Variants in ACACB observed in about 807,000 individuals in gnomAD.
ACACB encodes the protein acetyl-CoA carboxylase 2.
Under a neutral mutation model 278.8 loss-of-function variants are expected in ACACB, and 209 were observed. That is an observed-to-expected ratio of 0.75 (90% CI 0.67 to 0.84). The LOEUF (loss-of-function observed/expected upper bound fraction) is 0.84. Ranked by LOEUF, ACACB falls within the 40% of genes least tolerant of loss-of-function variation. ACACB has a pLI of 0.00. For synonymous variants in ACACB, 1,174 were observed against 1,285.6 expected (o/e 0.91, Z 1.86); for missense variants, 2,850 against 3,269.0 (o/e 0.87, Z 3.13).
At chr12:109,239,177 G>C (rs1340338464) in intron 34 of ACACB, among the ~76,000 whole-genome samples, 1 of 152,184 alleles carries the variant, frequency 6.6e-6, no homozygotes, top group Non-Finnish European at 1.5e-5. Context: ...GCCTCCCAAA[G>C]TGCTGGGATT....
At chr12:109,261,880 CAAAAAAA>C (rs757106164) in intron 48 of ACACB, among the ~76,000 whole-genome samples, 29 of 86,088 alleles carry the variant, frequency 3.4e-4, no homozygotes, top group Non-Finnish European at 5.5e-4. Context: ...AAAAAAAAAA[CAAAAAAA>C]AAAAAAAAGA....
At chr12:109,209,849 GTATA>G (rs1565924723) in intron 21 of ACACB, among the ~76,000 whole-genome samples, 1 of 137,406 alleles carries the variant, frequency 7.3e-6, no homozygotes, top group East Asian at 2.2e-4. Flanking sequence ...ACACACGTGT[GTATA>G]TATGTATATA....
At position 109,185,758 on chromosome 12, in the gene ACACB, C is replaced by G. The variant is rs745912338; in HGVS notation, c.1980+18C>G. The G allele has an allele frequency of 1.9e-6, 3 of 1,598,508 alleles. No individual in the cohort carries two copies. The highest frequency in any genetic ancestry group is 2.6e-6 in the Non-Finnish European group (3 of 1,170,650). On this transcript the variant is annotated intron_variant, in intron 12 of 52. Coordinates refer to ENST00000338432, the MANE Select transcript of ACACB (RefSeq NM_001093.4). ...CAGACGAGGCAAGTTATGGGGGCCC[C>G]TGTGTTTCCACCATCTCAGATCTCC...
At chr12:109,120,523 G>A (rs2042519742) in intron 1 of ACACB, among the ~76,000 whole-genome samples, 1 of 152,148 alleles carries the variant, frequency 6.6e-6, no homozygotes, top group Admixed American at 6.5e-5. Context: ...TTGAGCAGGG[G>A]GCAAGGGGTG....
At chr12:109,189,756 A>G (rs1278001983) in intron 13 of ACACB, among the ~76,000 whole-genome samples, 1 of 152,004 alleles carries the variant, frequency 6.6e-6, no homozygotes, top group African/African-American at 2.4e-5. Flanking sequence ...CACCCCCAAA[A>G]TGGGGTCATC....
At chr12:109,172,048 C>T in intron 5 of ACACB, 134 bp downstream of exon 5, 1 of 827,762 alleles carries the variant, frequency 1.2e-6, no homozygotes, top group Admixed American at 2.5e-5. Flanking sequence ...GCTGATGTAA[C>T]ACAGAAAAGA....
chr12:109,230,857 A>G lies in ACACB; in HGVS notation c.4002-1812A>G, dbSNP rs527585670. Among the ~76,000 whole-genome samples the G allele has an allele frequency of 7.2e-5, 11 of 152,228 alleles. No individual in the cohort carries two copies. In the South Asian group the frequency reaches 1.9e-3, roughly 26 times the overall value. On this transcript the variant is annotated intron_variant, in intron 28 of 52. Coordinates refer to ENST00000338432, the MANE Select transcript of ACACB (RefSeq NM_001093.4). ...CAGGTTATTGGTTGTGATTTTCAGT[A>G]TGGGCACAGGGTCCTTTTTTGACCC...
Position 109,193,445 on chromosome 12 carries a change from T to G in ACACB, c.2400-203T>G, listed in dbSNP as rs572716937. Among the ~76,000 whole-genome samples the G allele has an allele frequency of 1.1e-4, 16 of 152,200 alleles. 1 individual carries two copies. Among genetic ancestry groups the G allele is most frequent in the Non-Finnish European group, 2.4e-4 (16 of 68,032 alleles). ...GTTGGCCAGGCTGGTCTCGAACTCT[T>G]GGCCTCAAGTGATGTGCCTGCCTCA... is the stretch of plus-strand genomic sequence containing the variant. On this transcript the variant is annotated intron_variant, in intron 15 of 52. Transcript: ENST00000338432.
Position 109,176,145 on chromosome 12 carries a change from G to T in ACACB, c.1327-8G>T. ...CTCTAAAGAGGTCTGTTTGTCCTTT[G>T]CACCCAGGCAGCAGAAAGAATTGGT... On this transcript the variant is annotated splice_polypyrimidine_tract_variant and splice_region_variant and intron_variant, in intron 8 of 52. Coordinates refer to ENST00000338432, the MANE Select transcript of ACACB (RefSeq NM_001093.4). The T allele has an allele frequency of 6.2e-7, 1 of 1,614,084 alleles. No homozygotes were observed. Among genetic ancestry groups the T allele is most frequent in the Non-Finnish European group, 8.5e-7 (1 of 1,179,964 alleles).
rs558073719 is a variant in ACACB, at chr12:109,138,407, A to G, written c.-9-990A>G. ...GTCTCCCGAGGCTTGTTGGGCTTCT[A>G]TGCTAGTTGTAAGCATACCCCACAC... On this transcript the variant is annotated intron_variant, in intron 1 of 52. Transcript: ENST00000338432. Among the ~76,000 whole-genome samples the G allele has an allele frequency of 2.5e-4, 38 of 152,266 alleles. 1 individual carries two copies. Among genetic ancestry groups the G allele is most frequent in the African/African-American group, 8.4e-4 (35 of 41,558 alleles).
intron 18 of ACACB, among the ~76,000 whole-genome samples, chr12:109,199,930 G>T (rs1199106558): frequency 6.6e-6 from 1 of 151,202 alleles, no homozygotes; most frequent in Non-Finnish European, 1.5e-5. Flanking sequence ...GGAGGATGGC[G>T]TGAAGGCAGG....
At chr12:109,208,645 C>T (rs981813853) in intron 20 of ACACB, among the ~76,000 whole-genome samples, 17 of 152,268 alleles carry the variant, frequency 1.1e-4, no homozygotes, top group African/African-American at 4.1e-4. Flanking sequence ...TGAGACACCC[C>T]GGAAACAGCA....
At chr12:109,240,029 C>T (rs765288677) in intron 35 of ACACB, 44 bp downstream of exon 35, 2 of 1,593,216 alleles carry the variant, frequency 1.3e-6, no homozygotes, top group East Asian at 4.5e-5. Flanking sequence ...CTGGGTTCAC[C>T]CTCTGAGCCA....
At chr12:109,210,790 T>G (rs1348061846) in intron 21 of ACACB, among the ~76,000 whole-genome samples, 1 of 151,410 alleles carries the variant, frequency 6.6e-6, no homozygotes, top group Non-Finnish European at 1.5e-5. Flanking sequence ...GTTGCACACC[T>G]GCAATCCCAA....
chr12:109,192,218 A>G lies in ACACB; in HGVS notation c.2399+268A>G, dbSNP rs534708568. ...ATCCATGCTGACTTGTGTAAGGTAC[A>G]TCATAATAGTCAGGAGTTCTGAGTT... On this transcript the variant is annotated intron_variant, in intron 15 of 52. Coordinates refer to ENST00000338432, the MANE Select transcript of ACACB (RefSeq NM_001093.4). 4.6e-5 allele frequency among the ~76,000 whole-genome samples: 7 copies of G among 152,300 alleles called. No individual in the cohort carries two copies. In the South Asian group the frequency reaches 1.5e-3, roughly 32 times the overall value.
chr12:109,235,594 T>G lies in ACACB; in HGVS notation c.4405-12T>G. 1 of 1,611,588 alleles carries G rather than the reference T, an allele frequency of 6.2e-7. No homozygotes were observed. Among genetic ancestry groups the G allele is most frequent in the Non-Finnish European group, 8.5e-7 (1 of 1,177,810 alleles). On this transcript the variant is annotated splice_polypyrimidine_tract_variant and intron_variant, in intron 32 of 52. Transcript: ENST00000338432. Reference sequence around the variant, plus strand: ...TGATTTAATTGTCTTGTGTGTGGATTTCTTTTTGCAGAAAGAATTTCCCAA... The same window carrying G: ...TGATTTAATTGTCTTGTGTGTGGATGTCTTTTTGCAGAAAGAATTTCCCAA...
chr12:109,232,824 G>T lies in ACACB; in HGVS notation c.4139+18G>T, dbSNP rs762339682. 2.5e-6 allele frequency: 4 copies of T among 1,613,526 alleles called. No individual in the cohort carries two copies. The South Asian group carries it at 4.4e-5, about 18-fold the overall frequency. ...TTCACCAGGTACCCAGCATGGCCCG[G>T]TCTCCAACACCCTGAGCATGGGGGC... On this transcript the variant is annotated intron_variant, in intron 29 of 52. Transcript: ENST00000338432.
At position 109,262,950 on chromosome 12, in the gene ACACB, T is replaced by TTATATATATATATATATATATA. The variant is rs58002068; in HGVS notation, c.6787+493_6787+514dup. 404 of 62,398 alleles carry TTATATATATATATATATATATA rather than the reference T, an allele frequency of 6.5e-3. 30 individuals carry two copies. The highest frequency in any genetic ancestry group is 0.01 in the Non-Finnish European group (262 of 25,620). The allele number at this position is 62,398 out of a possible 1,614,324, so 3.9% of individuals were successfully genotyped here. ...CATTTCTAAATCAACCTTTTTAACA[T>TTATATATATATATATATATATA]TATATATATATATATATATATATAT... On this transcript the variant is annotated intron_variant, in intron 49 of 52. Coordinates refer to ENST00000338432, the MANE Select transcript of ACACB (RefSeq NM_001093.4).
rs556046901 is a variant in ACACB at position 109,174,077 on chromosome 12, C to G, written c.1118-55C>G. 710 of 1,501,380 alleles carry G rather than the reference C, an allele frequency of 4.7e-4. 1 individual carries two copies. The highest frequency in any genetic ancestry group is 6.0e-4 in the Non-Finnish European group (666 of 1,102,164). The allele number at this position is 1,501,380 out of a possible 1,614,324, so 93.0% of individuals were successfully genotyped here. A position where few individuals can be genotyped will look rare whatever the true frequency, so the allele number is the denominator to read the frequency against. On this transcript the variant is annotated intron_variant, in intron 6 of 52. Transcript: ENST00000338432. Reference sequence around the variant, plus strand: ...CGTGCACTCGGTCGGCCTTCAGCCTCGAGGGTCTTGTGACTGACCGGATTC... The same window carrying G: ...CGTGCACTCGGTCGGCCTTCAGCCTGGAGGGTCTTGTGACTGACCGGATTC...
Sources: gnomAD v4.1 joint callset for allele counts (sites outside exome capture counted in the v4.1 genomes callset) on GRCh38, gnomAD v4.1.1 for gene constraint, MANE v1.5 for transcripts, NCBI Gene and HGNC (gene_info 2026-07-23, HGNC 2026-07-21) for gene names.